Variants in ELMO1 observed in about 807,000 individuals in gnomAD.
ELMO1 encodes engulfment and cell motility 1, also known as engulfment and cell motility protein 1.
Under a neutral mutation model 98.9 loss-of-function variants are expected in ELMO1, and 26 were observed. The observed-to-expected ratio is 0.26, with a 90% CI of 0.19 to 0.36. ELMO1 has a LOEUF of 0.36. Ranked by LOEUF, ELMO1 falls within the 10% of genes least tolerant of loss-of-function variation. ELMO1 has a pLI of 1.00. For missense variants in ELMO1, 627 were observed against 935.2 expected, an observed-to-expected ratio of 0.67 and a Z score of 4.30; for synonymous variants, 346 against 346.0, an observed-to-expected ratio of 1.00 and a Z score of 0.00.
At position 36,870,915 on chromosome 7, in the gene ELMO1, CATCT is replaced by C. The variant is rs1404723840; in HGVS notation, c.1823-444_1823-441del. On this transcript the variant is annotated intron_variant, in intron 19 of 21. Coordinates refer to ENST00000310758, the MANE Select transcript of ELMO1 (RefSeq NM_014800.11). The surrounding 1 kb of genome is among the most constrained non-coding windows in gnomAD (Gnocchi z 4.4). ...TCAGTGTCTCTTGTTACAGCATTTG[CATCT>C]ATTTAGTTTCTGAGTTTTTGGATGA... Among the ~76,000 whole-genome samples the C allele has an allele frequency of 1.3e-5, 2 of 152,202 alleles. No homozygotes were observed. Among genetic ancestry groups the C allele is most frequent in the African/African-American group, 4.8e-5 (2 of 41,454 alleles).
chr7:37,343,035 AG>A, intron 1 of ELMO1: 2 of 259,786 alleles, frequency 7.7e-6, no homozygotes, highest in Non-Finnish European at 1.5e-5. Flanking sequence ...TTCAGTGGAA[AG>A]AAAGCTGTTC....
At chr7:37,217,933 C>T (rs1252894295) in intron 10 of ELMO1, among the ~76,000 whole-genome samples, 8 of 152,158 alleles carry the variant, frequency 5.3e-5, no homozygotes, top group Admixed American at 5.2e-4. Flanking sequence ...GCACTCAAGT[C>T]AACATCCAAT....
At chr7:37,034,968 T>C (rs990943570) in intron 15 of ELMO1, among the ~76,000 whole-genome samples, 3 of 152,216 alleles carry the variant, frequency 2.0e-5, no homozygotes, top group African/African-American at 7.2e-5. Context: ...GCTTTATAGA[T>C]AAAGGCAGCC....
intron 14 of ELMO1, among the ~76,000 whole-genome samples, chr7:37,102,265 T>C (rs762024530): frequency 3.9e-5 from 6 of 152,060 alleles, no homozygotes; most frequent in Non-Finnish European, 7.4e-5. Flanking sequence ...CCAAGAAAAC[T>C]GAAGACCATC....
At chr7:37,107,883 A>T (rs1237163325) in intron 14 of ELMO1, among the ~76,000 whole-genome samples, 1 of 152,232 alleles carries the variant, frequency 6.6e-6, no homozygotes, top group African/African-American at 2.4e-5. Flanking sequence ...CACTTAGCAC[A>T]TTGATTTAGA....
chr7:37,172,514 G>C (rs1342456283), intron 13 of ELMO1, among the ~76,000 whole-genome samples: 1 of 152,114 alleles, frequency 6.6e-6, no homozygotes, highest in Non-Finnish European at 1.5e-5. Flanking sequence ...ACCAAAACTA[G>C]CTTATTATTC....
chr7:37,382,861 T>A (rs776101461), intron 1 of ELMO1, among the ~76,000 whole-genome samples: 4 of 152,162 alleles, frequency 2.6e-5, no homozygotes, highest in Non-Finnish European at 5.9e-5. Context: ...AATAAACTTC[T>A]GTTTGCTATC....
rs34884468 is a variant in ELMO1 at position 37,199,235 on chromosome 7, GA to G, written c.1086+12150del. ...TAAAGTTAATTACCGTAAAAAGTAA[GA>G]AGAACGAAGGTCAAGTATTATCATG... On this transcript the variant is annotated intron_variant, in intron 13 of 21. Coordinates refer to ENST00000310758, the MANE Select transcript of ELMO1 (RefSeq NM_014800.11). Among the ~76,000 whole-genome samples, 1,567 of 152,338 alleles carry G rather than the reference GA, an allele frequency of 0.01. 68 individuals carry two copies. The East Asian group carries it at 0.11, about 10-fold the overall frequency.
intron 4 of ELMO1, among the ~76,000 whole-genome samples, chr7:37,310,718 G>A (rs1798845826): frequency 6.6e-6 from 1 of 152,174 alleles, no homozygotes. Flanking sequence ...TTGGGGCTGA[G>A]GCAATGGTAC....
chr7:37,402,741 G>C (rs1489886565), intron 1 of ELMO1, among the ~76,000 whole-genome samples: 1 of 152,118 alleles, frequency 6.6e-6, no homozygotes, highest in African/African-American at 2.4e-5. Flanking sequence ...CACTTCTCTG[G>C]ATATTTCAGA....
chr7:37,255,114 C>T (rs1795570906), intron 6 of ELMO1, among the ~76,000 whole-genome samples: 2 of 152,086 alleles, frequency 1.3e-5, no homozygotes, highest in South Asian at 2.1e-4. Flanking sequence ...TGAAGTGTGG[C>T]CCCTCATAAT....
intron 1 of ELMO1, among the ~76,000 whole-genome samples, chr7:37,357,273 C>T (rs1485473937): frequency 1.3e-5 from 2 of 152,140 alleles, no homozygotes; most frequent in Non-Finnish European, 2.9e-5. Context: ...ATGTGTTATG[C>T]TTTTCGCTTG....
intron 14 of ELMO1, among the ~76,000 whole-genome samples, chr7:37,123,927 A>C (rs1786293319): frequency 6.6e-6 from 1 of 152,206 alleles, no homozygotes; most frequent in Admixed American, 6.5e-5. Flanking sequence ...CACATCAAAA[A>C]ACTTAGCCAC....
At chr7:37,024,018 C>T (rs1794428300) in intron 15 of ELMO1, among the ~76,000 whole-genome samples, 1 of 152,154 alleles carries the variant, frequency 6.6e-6, no homozygotes, top group Non-Finnish European at 1.5e-5. Flanking sequence ...AATCATCTCC[C>T]TCTCTTTTTC....
chr7:37,195,255 T>C (rs1159273389), intron 13 of ELMO1, among the ~76,000 whole-genome samples: 1 of 152,224 alleles, frequency 6.6e-6, no homozygotes, highest in Non-Finnish European at 1.5e-5. Flanking sequence ...ATCAATTCCA[T>C]GAAGGCCTTG....
chr7:36,991,048 G>A (rs1791839393), intron 16 of ELMO1, among the ~76,000 whole-genome samples: 1 of 152,152 alleles, frequency 6.6e-6, no homozygotes, highest in African/African-American at 2.4e-5. Flanking sequence ...TAGGATTCAT[G>A]TTCTTTGCTG....
intron 13 of ELMO1, among the ~76,000 whole-genome samples, chr7:37,200,907 C>T (rs1344079915): frequency 6.6e-6 from 1 of 151,000 alleles, no homozygotes; most frequent in Non-Finnish European, 1.5e-5. Flanking sequence ...CGCACCACTG[C>T]ACTCCAGCCT....
Position 37,342,759 on chromosome 7 carries a change from T to C in ELMO1, c.-69A>G. On this transcript the variant is annotated 5_prime_UTR_variant, in exon 2 of 22. The change creates a new upstream start codon in the 5' untranslated region. Transcript: ENST00000310758. This position sits in a 1 kb window ranked among gnomAD's most constrained non-coding sequence, Gnocchi z 4.3. ...TACAGCGTAAACGGCCACACGTGTCTATACCTAATGAGGAATGACAGAAAA... is the reference window on the plus strand; with the variant it reads ...TACAGCGTAAACGGCCACACGTGTCCATACCTAATGAGGAATGACAGAAAA... 1 of 1,335,620 alleles carries C rather than the reference T, an allele frequency of 7.5e-7. No homozygotes were observed. Among genetic ancestry groups the C allele is most frequent in the Non-Finnish European group, 1.0e-6 (1 of 963,292 alleles). 82.7% of individuals were successfully genotyped at this position (1,335,620 alleles called of 1,614,324 possible). A position where few individuals can be genotyped will look rare whatever the true frequency, so the allele number is the denominator to read the frequency against.
At chr7:37,391,043 C>T (rs964486515) in intron 1 of ELMO1, among the ~76,000 whole-genome samples, 1 of 150,928 alleles carries the variant, frequency 6.6e-6, no homozygotes, top group South Asian at 2.1e-4. Flanking sequence ...TTCCTTCCTT[C>T]CTTCCTTCCT....
Sources: gnomAD v4.1 joint callset for allele counts (sites outside exome capture counted in the v4.1 genomes callset) on GRCh38, gnomAD v4.1.1 for gene constraint, Gnocchi (gnomAD v3.1) non-coding constraint, MANE v1.5 for transcripts, NCBI Gene and HGNC (gene_info 2026-07-23, HGNC 2026-07-21) for gene names.